The following BAG4 variants were observed in gnomAD, a reference collection of about 807,000 sequenced individuals.
BAG4 encodes BAG cochaperone 4.
A neutral mutation model predicts 52.1 loss-of-function variants in BAG4; 28 were observed. The observed-to-expected ratio is 0.54, with a 90% confidence interval of 0.40 to 0.74. The LOEUF is 0.74. Ranked by LOEUF, BAG4 falls within the 30% of genes least tolerant of loss-of-function variation. BAG4 has a pLI of 0.00. For synonymous variants in BAG4, 208 were observed against 217.0 expected, an observed-to-expected ratio of 0.96 and a Z score of 0.37; for missense variants, 525 against 572.0, an observed-to-expected ratio of 0.92 and a Z score of 0.84.
At chr8:38,187,521 T>G (rs1298500221) in intron 1 of BAG4, among the ~76,000 whole-genome samples, 1 of 152,184 alleles carries the variant, frequency 6.6e-6, no homozygotes. Context: ...GCAAATATGC[T>G]CTTTTCTTCT....
chr8:38,178,057 T>G (rs560144844), intron 1 of BAG4, among the ~76,000 whole-genome samples: 1 of 152,148 alleles, frequency 6.6e-6, no homozygotes, highest in Non-Finnish European at 1.5e-5. Context: ...CCTGGCTATA[T>G]ACCCAAGAAA....
chr8:38,204,490 C>T (rs375965107), intron 2 of BAG4, among the ~76,000 whole-genome samples: 6 of 151,486 alleles, frequency 4.0e-5, no homozygotes, highest in South Asian at 2.1e-4. Flanking sequence ...CTGCATTCTA[C>T]CCTGGGTGTC....
rs569136524 is a variant in BAG4 at position 38,177,252 on chromosome 8, G to T, written c.270+113G>T. The T allele has an allele frequency of 6.3e-6, 9 of 1,437,038 alleles. No homozygotes were observed. In the East Asian group the frequency reaches 2.2e-4, roughly 35 times the overall value. The allele number at this position is 1,437,038 out of a possible 1,614,324, so 89.0% of individuals were successfully genotyped here. A position where few individuals can be genotyped will look rare whatever the true frequency, so the allele number is the denominator to read the frequency against. Reference sequence around the variant, plus strand: ...TTATGTGGAGGAGGGTGTGTTGCGGGGGGTGTTGGAGAGACCGAGACTAAG... The same window carrying T: ...TTATGTGGAGGAGGGTGTGTTGCGGTGGGTGTTGGAGAGACCGAGACTAAG... On this transcript the variant is annotated intron_variant, in intron 1 of 4. Coordinates refer to ENST00000287322, the MANE Select transcript of BAG4 (RefSeq NM_004874.4).
intron 1 of BAG4, among the ~76,000 whole-genome samples, chr8:38,188,981 T>C (rs1000617079): frequency 6.7e-6 from 1 of 148,752 alleles, no homozygotes; most frequent in African/African-American, 2.5e-5. Context: ...TTTTTTGAGA[T>C]GGAGTCTCAC....
intron 1 of BAG4, among the ~76,000 whole-genome samples, chr8:38,192,306 A>G (rs537467285): frequency 5.3e-5 from 8 of 152,268 alleles, no homozygotes; most frequent in South Asian, 4.1e-4. Flanking sequence ...TTTATATAGC[A>G]TTTGGTGTGG....
At chr8:38,185,749 G>C (rs986459299) in intron 1 of BAG4, among the ~76,000 whole-genome samples, 4 of 152,148 alleles carry the variant, frequency 2.6e-5, no homozygotes, top group African/African-American at 9.7e-5. Flanking sequence ...ATTTTTAGTA[G>C]AGACAGGGTT....
intron 1 of BAG4, among the ~76,000 whole-genome samples, chr8:38,191,577 A>C (rs1803474324): frequency 6.6e-6 from 1 of 152,056 alleles, no homozygotes; most frequent in African/African-American, 2.4e-5. Context: ...TGGCCAAAAT[A>C]GTGAAACCCG....
Position 38,211,636 on chromosome 8 carries a change from G to C in BAG4, c.*1143G>C, listed in dbSNP as rs1350026343. ...ATGCTCAGGGAATGAATCAGCCATA[G>C]TTAGAGTGGGAAATTATTATTTTCT... On this transcript the variant is annotated 3_prime_UTR_variant, in exon 5 of 5. Transcript: ENST00000287322. The C allele has an allele frequency of 2.0e-5, 3 of 151,996 alleles. No homozygotes were observed. The highest frequency in any genetic ancestry group is 7.2e-5 in the African/African-American group (3 of 41,388). The allele number at this position is 151,996 out of a possible 1,614,324, so 9.4% of individuals were successfully genotyped here.
intron 1 of BAG4, among the ~76,000 whole-genome samples, chr8:38,191,009 C>T (rs1369843350): frequency 6.6e-6 from 1 of 152,076 alleles, no homozygotes; most frequent in East Asian, 1.9e-4. Context: ...CCACCCGCGT[C>T]AGGCCTCCCA....
intron 2 of BAG4, among the ~76,000 whole-genome samples, chr8:38,199,411 T>A (rs1162502679): frequency 6.6e-6 from 1 of 152,220 alleles, no homozygotes; most frequent in Non-Finnish European, 1.5e-5. Flanking sequence ...ACAAAAGCTT[T>A]TAATTTTGAT....
intron 3 of BAG4, among the ~76,000 whole-genome samples, chr8:38,208,018 C>CT (rs33941853): frequency 0.025 from 3,468 of 141,460 alleles, 101 homozygotes; most frequent in African/African-American, 0.076. Flanking sequence ...CTATCTTAGC[C>CT]TTTTTTTTTT....
intron 4 of BAG4, 107 bp downstream of exon 4, chr8:38,209,374 A>G (rs1206125692): frequency 2.0e-6 from 3 of 1,468,764 alleles, no homozygotes; most frequent in Non-Finnish European, 2.7e-6. Flanking sequence ...CTAATTACAA[A>G]AAGTTGGTGA....
chr8:38,192,618 C>A, intron 1 of BAG4, 70 bp from the exon 2 acceptor site: 1 of 1,232,288 alleles, frequency 8.1e-7, no homozygotes, highest in South Asian at 1.4e-5. Flanking sequence ...TATAACCTGC[C>A]TCTATCAATC....
At chr8:38,207,399 G>T in intron 2 of BAG4, 113 bp from the exon 3 acceptor site, 1 of 1,199,902 alleles carries the variant, frequency 8.3e-7, no homozygotes, top group Admixed American at 2.4e-5. Flanking sequence ...ACTGTGCCTG[G>T]CCTGCATTAG....
chr8:38,203,862 G>A (rs912774658), intron 2 of BAG4: 2 of 154,490 alleles, frequency 1.3e-5, no homozygotes, highest in African/African-American at 4.9e-5. Flanking sequence ...AAGTCCTTGT[G>A]ATAATACTTA....
At chr8:38,179,934 C>G (rs998927695) in intron 1 of BAG4, among the ~76,000 whole-genome samples, 2 of 151,956 alleles carry the variant, frequency 1.3e-5, no homozygotes, top group African/African-American at 2.4e-5. Context: ...TTTTGCTGGG[C>G]CTGCTGTATT....
rs950364530 is a variant in BAG4, at chr8:38,211,372, T to G, written c.*879T>G. On this transcript the variant is annotated 3_prime_UTR_variant, in exon 5 of 5. Coordinates refer to ENST00000287322, the MANE Select transcript of BAG4 (RefSeq NM_004874.4). Reference sequence around the variant, plus strand: ...TTAAAAGTTATCTGTTTTTTCCTGTTTTTTTTTTTTTTCCCCAAAGTGTAG... The same window carrying G: ...TTAAAAGTTATCTGTTTTTTCCTGTGTTTTTTTTTTTTCCCCAAAGTGTAG... 6 of 147,422 alleles carry G rather than the reference T, an allele frequency of 4.1e-5. No individual in the cohort carries two copies. The highest frequency in any genetic ancestry group is 1.5e-5 in the Non-Finnish European group (1 of 65,840). 9.1% of individuals were successfully genotyped at this position (147,422 alleles called of 1,614,324 possible).
At chr8:38,190,875 A>C (rs964881126) in intron 1 of BAG4, among the ~76,000 whole-genome samples, 1 of 151,178 alleles carries the variant, frequency 6.6e-6, no homozygotes, top group South Asian at 2.1e-4. Context: ...CTCGTGCCTC[A>C]GCTTCCTGAG....
intron 1 of BAG4, among the ~76,000 whole-genome samples, chr8:38,177,692 C>G (rs890688367): frequency 7.9e-5 from 12 of 152,182 alleles, no homozygotes; most frequent in African/African-American, 2.9e-4. Context: ...ATTTTCACGG[C>G]GACTGCAAGG....
Sources: allele counts gnomAD v4.1 joint callset (sites outside exome capture counted in the v4.1 genomes callset), GRCh38; gene constraint gnomAD v4.1.1; transcripts MANE v1.5; gene names NCBI Gene and HGNC (gene_info 2026-07-23, HGNC 2026-07-21).